The following GSTA3 variants were observed in gnomAD, a reference collection of about 807,000 sequenced individuals.
The protein encoded by GSTA3 is glutathione S-transferase alpha 3, also known as glutathione S-transferase A3.
GSTA3 carries 16 observed loss-of-function variants against 23.1 expected under a neutral mutation model. That is an observed-to-expected ratio of 0.69 (90% CI 0.47 to 1.05). The LOEUF is 1.05. GSTA3 is among the 50% of genes least tolerant of loss of function. The pLI is 0.00. For missense variants in GSTA3, 319 were observed against 263.6 expected (o/e 1.21, Z -1.46); for synonymous variants, 122 against 91.0 (o/e 1.34, Z -1.94).
chr6:52,909,232 T>C (rs781375306), intron 1 of GSTA3, among the ~76,000 whole-genome samples: 8 of 152,228 alleles, frequency 5.3e-5, no homozygotes, highest in Non-Finnish European at 1.2e-4. Flanking sequence ...TGCTCCCAAA[T>C]GTGTGACCCT....
intron 1 of GSTA3, among the ~76,000 whole-genome samples, chr6:52,906,245 G>A (rs1454878760): frequency 3.3e-5 from 5 of 152,104 alleles, no homozygotes; most frequent in Admixed American, 2.6e-4. Flanking sequence ...GATCTAGCTA[G>A]CCCTTCCTCC....
At position 52,903,353 on chromosome 6, in the gene GSTA3, C is replaced by T. The variant is rs1005158493; in HGVS notation, c.139+323G>A. ...CTGTAATCCCAGCACTTTGGGAGGC[C>T]GAGGCGGGCGGATCACGAGGTCAGG... On this transcript the variant is annotated intron_variant, in intron 3 of 6. Transcript: ENST00000211122. Among the ~76,000 whole-genome samples, 4 of 150,824 alleles carry T rather than the reference C, an allele frequency of 2.7e-5. No individual in the cohort carries two copies. The East Asian group carries it at 7.8e-4, about 30-fold the overall frequency.
Position 52,905,779 on chromosome 6 carries a change from A to G in GSTA3, c.56T>C (p.Ile19Thr). 1 of 1,610,362 alleles carries G rather than the reference A, an allele frequency of 6.2e-7. No homozygotes were observed. Among genetic ancestry groups the G allele is most frequent in the Non-Finnish European group, 8.5e-7 (1 of 1,177,514 alleles). ...YFNGRGRMEP[I>T]RWLLAAAGVE... Reference sequence around the variant, plus strand: ...TCCAGCTGCAGCCAAGAGCCACCGGATGGGCTCCATTCTGCCCCGTCCATT... The same window carrying G: ...TCCAGCTGCAGCCAAGAGCCACCGGGTGGGCTCCATTCTGCCCCGTCCATT... The change falls in exon 2 of 7, where the codon ATC (isoleucine) becomes ACC (threonine). Residue 19 changes from isoleucine (I) to threonine (T), a missense_variant. Transcript: ENST00000211122.
chr6:52,896,705 A>T lies in GSTA3; in HGVS notation c.*101T>A. 7.4e-7 allele frequency: 1 copy of T among 1,352,144 alleles called. No individual in the cohort carries two copies. Among genetic ancestry groups the T allele is most frequent in the Non-Finnish European group, 1.0e-6 (1 of 971,208 alleles). 83.8% of individuals were successfully genotyped at this position (1,352,144 alleles called of 1,614,324 possible). On this transcript the variant is annotated 3_prime_UTR_variant, in exon 7 of 7. Transcript: ENST00000211122. ...AGCATATAATTGGAAAGGGTTCATT[A>T]GCTTTACAACAGGCACAATCAACAC...
rs368249721 is a variant in GSTA3 at position 52,899,266 on chromosome 6, G to T, written c.414+668C>A. 2.4e-4 allele frequency among the ~76,000 whole-genome samples: 37 copies of T among 152,322 alleles called. 2 individuals are homozygous for T. The East Asian group carries it at 4.6e-3, about 19-fold the overall frequency. ...GGCAAAAAATTGAATATACTGACAT[G>T]TTAATTCTTTGAAAAGAAATTTAGA... On this transcript the variant is annotated intron_variant, in intron 5 of 6. Coordinates refer to ENST00000211122, the MANE Select transcript of GSTA3 (RefSeq NM_000847.5).
chr6:52,903,591 C>T (rs1375604715), intron 3 of GSTA3, 85 bp downstream of exon 3: 21 of 715,746 alleles, frequency 2.9e-5, no homozygotes, highest in Admixed American at 6.9e-5. Flanking sequence ...AGCGAGACTC[C>T]GTCAAAAAAA....
intron 4 of GSTA3, among the ~76,000 whole-genome samples, chr6:52,901,791 T>C (rs1452436597): frequency 6.6e-6 from 1 of 152,240 alleles, no homozygotes; most frequent in Admixed American, 6.5e-5. Flanking sequence ...TCGATAAATC[T>C]AGCTGCTTCA....
intron 4 of GSTA3, among the ~76,000 whole-genome samples, chr6:52,901,605 A>AT (rs1765686659): frequency 6.6e-6 from 1 of 152,194 alleles, no homozygotes; most frequent in Non-Finnish European, 1.5e-5. Context: ...TATGTACAAG[A>AT]TTTGGTGTGG....
At chr6:52,899,047 G>C (rs1240222923) in intron 5 of GSTA3, among the ~76,000 whole-genome samples, 1 of 152,102 alleles carries the variant, frequency 6.6e-6, no homozygotes, top group Non-Finnish European at 1.5e-5. Context: ...AGTTTGGGTA[G>C]AGCAGGTAAT....
chr6:52,898,308 G>C (rs192653631), intron 5 of GSTA3, among the ~76,000 whole-genome samples: 1 of 152,194 alleles, frequency 6.6e-6, no homozygotes, highest in African/African-American at 2.4e-5. Context: ...TCAGGATGTG[G>C]CTCTACAATC....
At chr6:52,905,651 A>T in intron 2 of GSTA3, 97 bp downstream of exon 2, 3 of 669,728 alleles carry the variant, frequency 4.5e-6, no homozygotes, top group Non-Finnish European at 7.7e-6. Flanking sequence ...AGGCCAAAAT[A>T]TTCACAGGTC....
intron 2 of GSTA3, 32 bp downstream of exon 2, chr6:52,905,716 T>A: frequency 8.0e-7 from 1 of 1,254,398 alleles, no homozygotes; most frequent in Non-Finnish European, 1.2e-6. Flanking sequence ...GTCAATTAGG[T>A]CCAACTTAAG....
chr6:52,902,567 T>C, intron 3 of GSTA3, 89 bp from the exon 4 acceptor site: 1 of 1,329,122 alleles, frequency 7.5e-7, no homozygotes, highest in Non-Finnish European at 1.0e-6. Context: ...TGACTGAGGT[T>C]ATAAAATGAA....
At chr6:52,905,178 G>T (rs1441107080) in intron 2 of GSTA3, among the ~76,000 whole-genome samples, 1 of 151,974 alleles carries the variant, frequency 6.6e-6, no homozygotes, top group Admixed American at 6.6e-5. Context: ...AAATACAATG[G>T]TCCTCTTTGT....
rs528756201 is a variant in GSTA3 at position 52,901,737 on chromosome 6, A to C, written c.272+609T>G. Among the ~76,000 whole-genome samples, 19 of 152,342 alleles carry C rather than the reference A, an allele frequency of 1.2e-4. No individual in the cohort carries two copies. The South Asian group carries it at 1.9e-3, about 15-fold the overall frequency. ...CATAGGATGTTATTTAGAATCAGGC[A>C]GCCCTATTGCAACAGTGAGGAGACC... is the stretch of plus-strand genomic sequence containing the variant. On this transcript the variant is annotated intron_variant, in intron 4 of 6. Coordinates refer to ENST00000211122, the MANE Select transcript of GSTA3 (RefSeq NM_000847.5).
chr6:52,905,023 T>C (rs889862825), intron 2 of GSTA3, among the ~76,000 whole-genome samples: 1 of 152,224 alleles, frequency 6.6e-6, no homozygotes, highest in South Asian at 2.1e-4. Flanking sequence ...TGGCTGAATA[T>C]ACTCAGTATT....
At chr6:52,898,061 A>G (rs1765523214) in intron 5 of GSTA3, 105 bp from the exon 6 acceptor site, 2 of 1,307,110 alleles carry the variant, frequency 1.5e-6, no homozygotes, top group East Asian at 4.6e-5. Context: ...GTGTTGCCTA[A>G]CTGGATGGTG....
At chr6:52,900,785 A>G (rs908968115) in intron 4 of GSTA3, among the ~76,000 whole-genome samples, 1 of 152,222 alleles carries the variant, frequency 6.6e-6, no homozygotes, top group Non-Finnish European at 1.5e-5. Context: ...TCAAATGGCC[A>G]AAGACTTTTC....
At chr6:52,897,442 A>G (rs1200459169) in intron 6 of GSTA3, among the ~76,000 whole-genome samples, 3 of 152,192 alleles carry the variant, frequency 2.0e-5, no homozygotes, top group Admixed American at 2.0e-4. Context: ...GCCAGAGCCT[A>G]AGGAAGGAAC....
Sources: allele counts gnomAD v4.1 joint callset (sites outside exome capture counted in the v4.1 genomes callset), GRCh38; gene constraint gnomAD v4.1.1; transcripts MANE v1.5; gene names NCBI Gene and HGNC (gene_info 2026-07-23, HGNC 2026-07-21).